The following PRORP variants were observed in gnomAD, a reference collection of about 807,000 sequenced individuals.
The protein encoded by PRORP is protein only RNase P catalytic subunit.
A neutral mutation model predicts 59.4 loss-of-function variants in PRORP; 51 were observed. That is an observed-to-expected ratio of 0.86 (90% CI 0.69 to 1.08). The LOEUF (loss-of-function observed/expected upper bound fraction) is 1.08, where lower values mean the gene tolerates loss of function less well. Ranked by LOEUF, PRORP falls within the 50% of genes least tolerant of loss-of-function variation. The pLI is 0.00. For synonymous variants in PRORP, 231 were observed against 245.6 expected (o/e 0.94, Z 0.55); for missense variants, 646 against 690.3 (o/e 0.94, Z 0.72).
intron 3 of PRORP, 91 bp downstream of exon 3, chr14:35,126,873 G>A: frequency 2.2e-6 from 2 of 929,520 alleles, no homozygotes; most frequent in Non-Finnish European, 3.3e-6. Flanking sequence ...ACACCTTAAG[G>A]GTAGGATAAT....
At chr14:35,137,803 T>A (rs2138834094) in intron 4 of PRORP, among the ~76,000 whole-genome samples, 1 of 145,254 alleles carries the variant, frequency 6.9e-6, no homozygotes, top group South Asian at 2.3e-4. Flanking sequence ...GACAAAGTAG[T>A]TAACATGGTC....
In PRORP at chr14:35,273,628, T is replaced by C; in HGVS notation, c.*62T>C. 6.6e-7 allele frequency: 1 copy of C among 1,510,742 alleles called. No individual in the cohort carries two copies. The highest frequency in any genetic ancestry group is 8.9e-7 in the Non-Finnish European group (1 of 1,118,696). 93.6% of individuals were successfully genotyped at this position (1,510,742 alleles called of 1,614,324 possible). A position where few individuals can be genotyped will look rare whatever the true frequency, so the allele number is the denominator to read the frequency against. ...CCCTCTAGGTTGGCATCAGAGGCTC[T>C]TGAGCTGGTGTTTGTTTAGGGCATT... is the stretch of plus-strand genomic sequence containing the variant. On this transcript the variant is annotated 3_prime_UTR_variant, in exon 8 of 8. Coordinates refer to ENST00000534898, the MANE Select transcript of PRORP (RefSeq NM_014672.4).
At chr14:35,213,090 C>G (rs1458846313) in intron 5 of PRORP, among the ~76,000 whole-genome samples, 2 of 152,178 alleles carry the variant, frequency 1.3e-5, no homozygotes, top group Non-Finnish European at 2.9e-5. Flanking sequence ...AGCTTTCTTG[C>G]CTCTCTCAAA....
At chr14:35,143,421 C>G (rs922924361) in intron 4 of PRORP, among the ~76,000 whole-genome samples, 6 of 145,658 alleles carry the variant, frequency 4.1e-5, no homozygotes, top group Admixed American at 1.4e-4. Flanking sequence ...CTCGGCTTCC[C>G]AAAGTGCTGG....
intron 5 of PRORP, among the ~76,000 whole-genome samples, chr14:35,223,583 C>T (rs538800788): frequency 2.2e-4 from 34 of 152,126 alleles, no homozygotes; most frequent in African/African-American, 7.9e-4. Flanking sequence ...CCTCAGCCTC[C>T]CAAGTAGCTG....
chr14:35,163,635 TA>T (rs1408325122), intron 4 of PRORP, among the ~76,000 whole-genome samples: 1 of 152,206 alleles, frequency 6.6e-6, no homozygotes, highest in Admixed American at 6.5e-5. Flanking sequence ...CTTGTTGAAT[TA>T]AGTTCCTTGT....
chr14:35,201,297 GTCACTATGTGC>G (rs2049141515), intron 5 of PRORP, among the ~76,000 whole-genome samples: 1 of 152,126 alleles, frequency 6.6e-6, no homozygotes, highest in Admixed American at 6.5e-5. Flanking sequence ...TCAGAAGGAA[GTCACTATGTGC>G]AGCCCTCAGT....
intron 4 of PRORP, among the ~76,000 whole-genome samples, chr14:35,163,645 G>C (rs1427385237): frequency 6.6e-6 from 1 of 152,012 alleles, no homozygotes; most frequent in Non-Finnish European, 1.5e-5. Flanking sequence ...TAAGTTCCTT[G>C]TAGATTCTGG....
chr14:35,269,300 T>A (rs917847011), intron 6 of PRORP, among the ~76,000 whole-genome samples: 7 of 152,222 alleles, frequency 4.6e-5, no homozygotes, highest in African/African-American at 1.7e-4. Flanking sequence ...ATTATTTTCC[T>A]TATATGGAAA....
chr14:35,230,185 T>C (rs2050040374), intron 5 of PRORP, among the ~76,000 whole-genome samples: 1 of 151,686 alleles, frequency 6.6e-6, no homozygotes, highest in Non-Finnish European at 1.5e-5. Context: ...CTCTAGTGGC[T>C]GGGATTACAG....
chr14:35,208,161 A>T (rs1452559078), intron 5 of PRORP, among the ~76,000 whole-genome samples: 1 of 152,132 alleles, frequency 6.6e-6, no homozygotes, highest in Non-Finnish European at 1.5e-5. Flanking sequence ...AAAAAAAAAA[A>T]AGACTATAGT....
chr14:35,250,250 A>T (rs1258869657), intron 5 of PRORP, among the ~76,000 whole-genome samples: 1 of 152,030 alleles, frequency 6.6e-6, no homozygotes, highest in Non-Finnish European at 1.5e-5. Flanking sequence ...AAAAGAAAAA[A>T]AAAGATGTCT....
chr14:35,126,533 G>A (rs1047077939), intron 2 of PRORP, among the ~76,000 whole-genome samples: 1 of 152,170 alleles, frequency 6.6e-6, no homozygotes, highest in African/African-American at 2.4e-5. Flanking sequence ...GAACCACAGG[G>A]AAGAAGGAGA....
At chr14:35,198,598 A>G (rs1423512913) in intron 5 of PRORP, among the ~76,000 whole-genome samples, 2 of 152,212 alleles carry the variant, frequency 1.3e-5, no homozygotes, top group African/African-American at 4.8e-5. Flanking sequence ...AAAATTTTAT[A>G]ATTATAATTT....
At chr14:35,220,565 TTG>T (rs1413608257) in intron 5 of PRORP, among the ~76,000 whole-genome samples, 3 of 152,060 alleles carry the variant, frequency 2.0e-5, no homozygotes, top group Non-Finnish European at 4.4e-5. Context: ...TGTGAGCCAG[TTG>T]TGATGGAAAT....
chr14:35,202,511 A>G (rs939141567), intron 5 of PRORP, among the ~76,000 whole-genome samples: 1 of 152,068 alleles, frequency 6.6e-6, no homozygotes, highest in Admixed American at 6.6e-5. Context: ...TTAGCAGTGG[A>G]GTAGGAAGGG....
At chr14:35,130,680 C>T (rs1227491857) in intron 4 of PRORP, among the ~76,000 whole-genome samples, 1 of 151,898 alleles carries the variant, frequency 6.6e-6, no homozygotes, top group Non-Finnish European at 1.5e-5. Context: ...GACAGGGTTT[C>T]ACCATGTTGG....
chr14:35,122,268 G>A (rs2046934855), upstream of PRORP: 3 of 385,606 alleles, frequency 7.8e-6, no homozygotes, highest in South Asian at 9.1e-5. Flanking sequence ...TTCCTTTATC[G>A]TGTGCCTTTG....
chr14:35,205,372 T>C (rs2049264994), intron 5 of PRORP, among the ~76,000 whole-genome samples: 2 of 152,158 alleles, frequency 1.3e-5, no homozygotes, highest in South Asian at 4.1e-4. Flanking sequence ...TATTTTTTAG[T>C]AGAGATGAGG....
Sources: gnomAD v4.1 joint callset for allele counts (sites outside exome capture counted in the v4.1 genomes callset) on GRCh38, gnomAD v4.1.1 for gene constraint, MANE v1.5 for transcripts, NCBI Gene and HGNC (gene_info 2026-07-23, HGNC 2026-07-21) for gene names.